HERC3: variants seen among roughly 807,000 people sequenced by gnomAD.
HERC3 encodes the protein HECT and RLD domain containing E3 ubiquitin protein ligase 3.
Under a neutral mutation model 129.9 loss-of-function variants are expected in HERC3, and 58 were observed. The observed-to-expected ratio is 0.45, with a 90% CI of 0.36 to 0.56. The LOEUF (loss-of-function observed/expected upper bound fraction) is 0.56, where lower values mean the gene tolerates loss of function less well. Among genes scored for constraint, HERC3 ranks in the 20% least tolerant of loss-of-function variants. HERC3 has a pLI of 0.00. For synonymous variants in HERC3, 430 were observed against 451.0 expected (o/e 0.95, Z 0.59); for missense variants, 835 against 1,244.2 (o/e 0.67, Z 4.95).
At chr4:88,686,828 G>C (rs745979579) in intron 22 of HERC3, 26 bp downstream of exon 22, 1 of 1,499,546 alleles carries the variant, frequency 6.7e-7, no homozygotes, top group African/African-American at 1.4e-5. Context: ...GTTTACTTAG[G>C]ATTGTGGCTG....
At chr4:88,595,120 A>G (rs1011760263) in intron 1 of HERC3, among the ~76,000 whole-genome samples, 2 of 151,396 alleles carry the variant, frequency 1.3e-5, no homozygotes, top group Admixed American at 6.6e-5. Flanking sequence ...AAAAAAAAAA[A>G]AAAGAAAAGG....
chr4:88,590,381 A>T (rs1368084657), upstream of HERC3, among the ~76,000 whole-genome samples: 1 of 152,114 alleles, frequency 6.6e-6, no homozygotes, highest in Non-Finnish European at 1.5e-5. Context: ...TAACATGGTG[A>T]AACCCCGTCT....
intron 23 of HERC3, among the ~76,000 whole-genome samples, chr4:88,691,793 A>C (rs956260972): frequency 6.6e-6 from 1 of 152,260 alleles, no homozygotes; most frequent in Non-Finnish European, 1.5e-5. Flanking sequence ...ATATGCCATA[A>C]TGTAGTCATT....
At chr4:88,586,606 GC>G in the HERC3 span, among the ~76,000 whole-genome samples, 27 of 152,082 alleles carry the variant, frequency 1.8e-4, no homozygotes, top group East Asian at 4.2e-3. Context: ...TGATCCACCC[GC>G]CTCCGCCTCC....
At chr4:88,692,594 G>A (rs1183258455) in intron 23 of HERC3, among the ~76,000 whole-genome samples, 3 of 152,144 alleles carry the variant, frequency 2.0e-5, no homozygotes, top group Non-Finnish European at 4.4e-5. Flanking sequence ...CATTGTATTT[G>A]CACTGGACTA....
At chr4:88,539,814 A>G in the HERC3 span, among the ~76,000 whole-genome samples, 1 of 152,214 alleles carries the variant, frequency 6.6e-6, no homozygotes, top group Admixed American at 6.5e-5. Context: ...GTGAACCTCC[A>G]GCAAACTCCA....
chr4:88,648,933 T>G (rs1728981843), intron 3 of HERC3, among the ~76,000 whole-genome samples: 1 of 152,116 alleles, frequency 6.6e-6, no homozygotes, highest in African/African-American at 2.4e-5. Flanking sequence ...CTACCACATT[T>G]TTGGTTTCCA....
chr4:88,700,073 T>C (rs1735188485), intron 23 of HERC3, among the ~76,000 whole-genome samples: 1 of 144,940 alleles, frequency 6.9e-6, no homozygotes, highest in African/African-American at 2.8e-5. Context: ...CATATGAATG[T>C]AGCCATTTGA....
chr4:88,534,986 A>G, the HERC3 span, among the ~76,000 whole-genome samples: 28 of 152,334 alleles, frequency 1.8e-4, no homozygotes, highest in African/African-American at 6.0e-4. Flanking sequence ...TGTGTTTTCC[A>G]TAGTTGAAGA....
chr4:88,595,099 T>TAAAA (rs1164191529), intron 1 of HERC3, among the ~76,000 whole-genome samples: 1 of 24,740 alleles, frequency 4.0e-5, no homozygotes, highest in African/African-American at 1.0e-4. Context: ...AGACTCTGTC[T>TAAAA]CAAAAAAAAA....
chr4:88,630,279 G>A (rs970168493), intron 3 of HERC3, among the ~76,000 whole-genome samples: 3 of 152,100 alleles, frequency 2.0e-5, no homozygotes, highest in African/African-American at 7.2e-5. Flanking sequence ...CTTCCCTAGT[G>A]ATTTAGAAAT....
At chr4:88,652,400 C>G (rs1729391011) in intron 5 of HERC3, among the ~76,000 whole-genome samples, 1 of 152,170 alleles carries the variant, frequency 6.6e-6, no homozygotes. Flanking sequence ...AACTCTCAAG[C>G]TACATTCCAC....
At chr4:88,579,726 C>G in the HERC3 span, among the ~76,000 whole-genome samples, 1 of 152,036 alleles carries the variant, frequency 6.6e-6, no homozygotes, top group East Asian at 1.9e-4. Context: ...ATCCCCAGAA[C>G]CTGTGCATAT....
rs773829453 is a variant in HERC3 at position 88,605,947 on chromosome 4, G to C, written c.124G>C (p.Gly42Arg). The C allele has an allele frequency of 1.2e-6, 2 of 1,614,110 alleles. No individual in the cohort carries two copies. The highest frequency in any genetic ancestry group is 1.7e-5 in the Admixed American group (1 of 60,014). ...CAGAAGTGTCAAGGAAGTGGCCTGTGGGGGAAACCACTCTGTGTTCCTGCT... is the reference window on the plus strand; with the variant it reads ...CAGAAGTGTCAAGGAAGTGGCCTGTCGGGGAAACCACTCTGTGTTCCTGCT... Reference protein sequence around the residue: ...SDRSVKEVACGGNHSVFLLED... With the variant: ...SDRSVKEVACRGNHSVFLLED... Residue 42 changes from glycine to arginine, a missense_variant, in exon 3 of 26, where the codon GGG becomes CGG. Coordinates refer to ENST00000402738, the MANE Select transcript of HERC3 (RefSeq NM_014606.3).
At chr4:88,586,981 A>ATGG in the HERC3 span, among the ~76,000 whole-genome samples, 1 of 152,206 alleles carries the variant, frequency 6.6e-6, no homozygotes, top group Non-Finnish European at 1.5e-5. Context: ...GGCTTTCGAG[A>ATGG]GCCAACAGAA....
intron 10 of HERC3, among the ~76,000 whole-genome samples, chr4:88,660,648 C>G (rs1442157206): frequency 6.6e-6 from 1 of 152,152 alleles, no homozygotes; most frequent in Non-Finnish European, 1.5e-5. Flanking sequence ...ACCATAGCAT[C>G]TCCTTTTCCT....
intron 2 of HERC3, among the ~76,000 whole-genome samples, chr4:88,603,710 T>C (rs1256701572): frequency 6.6e-6 from 1 of 152,240 alleles, no homozygotes; most frequent in African/African-American, 2.4e-5. Context: ...TTTGAAGTTA[T>C]AATATTTCAT....
At chr4:88,696,948 G>T in intron 23 of HERC3, 1 of 406,470 alleles carries the variant, frequency 2.5e-6, no homozygotes, top group Non-Finnish European at 4.3e-6. Context: ...AAGAGACCAT[G>T]AAAACATAAT....
chr4:88,573,976 C>T, the HERC3 span, among the ~76,000 whole-genome samples: 2 of 152,186 alleles, frequency 1.3e-5, no homozygotes, highest in African/African-American at 4.8e-5. Flanking sequence ...TAAAACCCTT[C>T]TTTCTCCCTC....
Sources: gnomAD v4.1 joint callset for allele counts (sites outside exome capture counted in the v4.1 genomes callset) on GRCh38, gnomAD v4.1.1 for gene constraint, MANE v1.5 for transcripts, NCBI Gene and HGNC (gene_info 2026-07-23, HGNC 2026-07-21) for gene names.